The following MIGA1 variants were observed in gnomAD, a reference collection of about 807,000 sequenced individuals.
MIGA1 encodes mitoguardin 1.
A neutral mutation model predicts 82.0 loss-of-function variants in MIGA1; 58 were observed. The observed-to-expected ratio is 0.71, with a 90% CI of 0.57 to 0.88. MIGA1 has a LOEUF of 0.88. Ranked by LOEUF, MIGA1 falls within the 40% of genes least tolerant of loss-of-function variation. MIGA1 has a pLI of 0.00. For missense variants in MIGA1, 751 were observed against 749.1 expected (o/e 1.00, Z -0.03); for synonymous variants, 249 against 253.6 (o/e 0.98, Z 0.17).
intron 8 of MIGA1, among the ~76,000 whole-genome samples, chr1:77,844,990 A>G (rs571375584): frequency 2.0e-5 from 3 of 152,268 alleles, no homozygotes; most frequent in African/African-American, 7.2e-5. Context: ...TCACACACAC[A>G]TGCACAGAAG....
intron 15 of MIGA1, among the ~76,000 whole-genome samples, chr1:77,873,454 G>T (rs1340994006): frequency 6.6e-6 from 1 of 152,160 alleles, no homozygotes; most frequent in Non-Finnish European, 1.5e-5. Context: ...TAGATAGTTG[G>T]TTTTTCATAC....
chr1:77,783,106 C>A, intron 1 of MIGA1, 132 bp from the exon 2 acceptor site: 1 of 513,826 alleles, frequency 1.9e-6, no homozygotes, highest in South Asian at 7.2e-5. Context: ...ATAATTTTAG[C>A]TCAAGTGTAA....
chr1:77,808,516 TAGAA>T (rs895198417), intron 5 of MIGA1, among the ~76,000 whole-genome samples: 15 of 152,224 alleles, frequency 9.9e-5, no homozygotes, highest in East Asian at 5.8e-4. Context: ...AAATTTTAAA[TAGAA>T]AGAGGCTTTC....
rs1646885847 is a variant in MIGA1, at chr1:77,875,291, T to A, written c.*227T>A. The A allele has an allele frequency of 2.3e-6, 1 of 441,550 alleles. No individual in the cohort carries two copies. The highest frequency in any genetic ancestry group is 4.0e-5 in the Admixed American group (1 of 25,244). 27.4% of individuals were successfully genotyped at this position (441,550 alleles called of 1,614,324 possible). On this transcript the variant is annotated 3_prime_UTR_variant, in exon 16 of 16. Coordinates refer to ENST00000370791, the MANE Select transcript of MIGA1 (RefSeq NM_198549.4). The stretch of plus-strand genomic sequence containing the variant: ...CTTTTTGCATTCATTAGGTAATAAT[T>A]GAAGTCATGAAATGTATATTTTACA...
chr1:77,789,922 A>G (rs1321060637), intron 2 of MIGA1, among the ~76,000 whole-genome samples: 1 of 152,170 alleles, frequency 6.6e-6, no homozygotes, highest in Non-Finnish European at 1.5e-5. Context: ...AAAACAATCC[A>G]ATTATAAAAC....
intron 7 of MIGA1, among the ~76,000 whole-genome samples, chr1:77,821,531 G>A (rs1683807967): frequency 6.6e-6 from 1 of 151,822 alleles, no homozygotes. Context: ...GAGTAGTTGG[G>A]ATTACAGGCA....
At chr1:77,784,225 A>G (rs1190774685) in intron 2 of MIGA1, among the ~76,000 whole-genome samples, 2 of 151,906 alleles carry the variant, frequency 1.3e-5, no homozygotes. Context: ...TTATTTATTT[A>G]TGTATTTATT....
intron 14 of MIGA1, among the ~76,000 whole-genome samples, chr1:77,871,501 CAGAAAAAAAAAA>C (rs918761018): frequency 3.4e-5 from 5 of 148,302 alleles, no homozygotes; most frequent in African/African-American, 1.2e-4. Context: ...GACTCCGTCT[CAGAAAAAAAAAA>C]AGAAAAGAAA....
chr1:77,847,233 T>C lies in MIGA1; in HGVS notation c.996+3826T>C, dbSNP rs899643805. 5.4e-6 allele frequency: 6 copies of C among 1,102,002 alleles called. No individual in the cohort carries two copies. The Admixed American group carries it at 1.0e-4, about 19-fold the overall frequency. 68.3% of individuals were successfully genotyped at this position (1,102,002 alleles called of 1,614,324 possible). On this transcript the variant is annotated intron_variant, in intron 8 of 15. Transcript: ENST00000370791. ...ATGATGATGATGAGACCTCCATGAG[T>C]GAAAGCCTTCAGAGGGAAGCTGCTA...
chr1:77,815,060 T>G, intron 6 of MIGA1, 48 bp from the exon 7 acceptor site: 1 of 1,297,724 alleles, frequency 7.7e-7, no homozygotes. Flanking sequence ...ATTTAGAATT[T>G]TAACATTAGA....
At chr1:77,858,637 T>C (rs2101933279) in intron 8 of MIGA1, among the ~76,000 whole-genome samples, 2 of 152,340 alleles carry the variant, frequency 1.3e-5, no homozygotes, top group South Asian at 4.1e-4. Context: ...GTTTTGTTTT[T>C]GAGGCAGGTC....
chr1:77,802,390 A>G (rs1682920845), intron 3 of MIGA1, among the ~76,000 whole-genome samples: 1 of 152,186 alleles, frequency 6.6e-6, no homozygotes, highest in Non-Finnish European at 1.5e-5. Flanking sequence ...CATAAAGAAA[A>G]CTGAGATATG....
At chr1:77,798,320 TCTCA>T (rs924179630) in intron 2 of MIGA1, among the ~76,000 whole-genome samples, 1 of 152,170 alleles carries the variant, frequency 6.6e-6, no homozygotes, top group Non-Finnish European at 1.5e-5. Context: ...ATTAGTCAGT[TCTCA>T]CTCTGCTGAT....
chr1:77,841,178 G>T (rs1684613179), intron 7 of MIGA1, among the ~76,000 whole-genome samples: 1 of 152,044 alleles, frequency 6.6e-6, no homozygotes, highest in South Asian at 2.1e-4. Context: ...TTTAACCTCA[G>T]ATTTTATCCC....
intron 2 of MIGA1, among the ~76,000 whole-genome samples, chr1:77,794,024 AG>A (rs1471621536): frequency 2.0e-5 from 3 of 151,722 alleles, no homozygotes; most frequent in Non-Finnish European, 4.4e-5. Context: ...CCTGACCTCA[AG>A]TGATCTGCCC....
chr1:77,867,572 C>T (rs1008809467), intron 14 of MIGA1, among the ~76,000 whole-genome samples: 3 of 152,176 alleles, frequency 2.0e-5, no homozygotes, highest in African/African-American at 7.2e-5. Flanking sequence ...AAGTGATCTT[C>T]CAGTCTCGGC....
intron 7 of MIGA1, among the ~76,000 whole-genome samples, chr1:77,832,473 A>G (rs568332400): frequency 6.6e-6 from 1 of 152,372 alleles, no homozygotes; most frequent in Non-Finnish European, 1.5e-5. Flanking sequence ...TAACATGTTT[A>G]TAAAGTGCTA....
intron 14 of MIGA1, among the ~76,000 whole-genome samples, chr1:77,869,522 G>C (rs1368444587): frequency 7.3e-6 from 1 of 136,204 alleles, no homozygotes; most frequent in Admixed American, 7.1e-5. Flanking sequence ...GGGGCGGCCG[G>C]GCAGAAGCGC....
chr1:77,837,177 T>C (rs1305530680), intron 7 of MIGA1, among the ~76,000 whole-genome samples: 1 of 152,212 alleles, frequency 6.6e-6, no homozygotes, highest in Admixed American at 6.5e-5. Flanking sequence ...AAATTTCTAA[T>C]AGCCACATTA....
Sources: gnomAD v4.1 joint callset for allele counts (sites outside exome capture counted in the v4.1 genomes callset) on GRCh38, gnomAD v4.1.1 for gene constraint, MANE v1.5 for transcripts, NCBI Gene and HGNC (gene_info 2026-07-23, HGNC 2026-07-21) for gene names.